PTPRT: variants seen among roughly 807,000 people sequenced by gnomAD.
PTPRT encodes the protein receptor-type tyrosine-protein phosphatase T.
PTPRT carries 56 observed loss-of-function variants against 176.8 expected under a neutral mutation model. The ratio of observed to expected loss-of-function variants is 0.32; its 90% confidence interval spans 0.26 to 0.40. The LOEUF (loss-of-function observed/expected upper bound fraction) is 0.40. Among genes scored for constraint, PTPRT ranks in the 10% least tolerant of loss-of-function variants. The pLI, the probability that PTPRT is intolerant of heterozygous loss-of-function variation, is 1.00. For missense variants in PTPRT, 1,540 were observed against 1,908.2 expected (o/e 0.81, Z 3.60); for synonymous variants, 783 against 739.0 (o/e 1.06, Z -0.96).
At chr20:42,148,260 ATTTTTTT>A (rs34255255) in intron 17 of PTPRT, among the ~76,000 whole-genome samples, 9 of 114,062 alleles carry the variant, frequency 7.9e-5, no homozygotes, top group Non-Finnish European at 1.1e-4. Context: ...CAAGGCAGTC[ATTTTTTT>A]TTTTTTTTTT....
the PTPRT span, among the ~76,000 whole-genome samples, chr20:42,055,610 C>A: frequency 6.6e-6 from 1 of 152,034 alleles, no homozygotes; most frequent in Non-Finnish European, 1.5e-5. Flanking sequence ...GTGGAGGGGT[C>A]CTGTGCAGCC....
At chr20:42,143,062 C>T (rs886916754) in intron 17 of PTPRT, among the ~76,000 whole-genome samples, 1 of 152,038 alleles carries the variant, frequency 6.6e-6, no homozygotes, top group African/African-American at 2.4e-5. Context: ...GTATCTAGAG[C>T]GGATGGGGGA....
At chr20:42,821,792 G>T (rs1454062908) in intron 2 of PTPRT, among the ~76,000 whole-genome samples, 2 of 152,234 alleles carry the variant, frequency 1.3e-5, no homozygotes, top group East Asian at 3.9e-4. Context: ...GCCAAATCAT[G>T]AATGAACTCC....
intron 1 of PTPRT, among the ~76,000 whole-genome samples, chr20:43,036,815 A>G (rs1432131418): frequency 2.0e-5 from 3 of 152,242 alleles, no homozygotes; most frequent in Non-Finnish European, 4.4e-5. Context: ...ACAAAAATAC[A>G]TACCTGACTT....
At chr20:42,448,846 T>A (rs1026014821) in intron 8 of PTPRT, among the ~76,000 whole-genome samples, 2 of 142,008 alleles carry the variant, frequency 1.4e-5, no homozygotes, top group Non-Finnish European at 3.0e-5. Context: ...ACACGAACGA[T>A]AGTTCATGAG....
At chr20:42,635,096 A>T (rs1286974744) in intron 7 of PTPRT, among the ~76,000 whole-genome samples, 1 of 152,080 alleles carries the variant, frequency 6.6e-6, no homozygotes, top group Non-Finnish European at 1.5e-5. Flanking sequence ...CACTAGATGG[A>T]GAAATACTGA....
At chr20:43,129,422 C>T (rs369867363) in intron 1 of PTPRT, among the ~76,000 whole-genome samples, 6 of 152,112 alleles carry the variant, frequency 3.9e-5, no homozygotes, top group African/African-American at 2.4e-5. Context: ...CCAGTTTGTG[C>T]ACATCGCGTG....
chr20:42,976,552 CCCA>C (rs1568712716), intron 1 of PTPRT, among the ~76,000 whole-genome samples: 1 of 152,008 alleles, frequency 6.6e-6, no homozygotes, highest in African/African-American at 2.4e-5. Flanking sequence ...ATTATAGGCA[CCCA>C]CCACCACACC....
At chr20:43,140,358 A>G (rs1190103658) in intron 1 of PTPRT, among the ~76,000 whole-genome samples, 1 of 152,146 alleles carries the variant, frequency 6.6e-6, no homozygotes, top group Admixed American at 6.5e-5. Flanking sequence ...TTTCCTGCAC[A>G]TGAACACACA....
At chr20:42,767,564 T>C (rs934928487) in intron 5 of PTPRT, among the ~76,000 whole-genome samples, 4 of 151,456 alleles carry the variant, frequency 2.6e-5, no homozygotes, top group Non-Finnish European at 5.9e-5. Flanking sequence ...ACATATTATA[T>C]ATGGAAGGAA....
chr20:42,908,526 T>A (rs1026232693), intron 1 of PTPRT, among the ~76,000 whole-genome samples: 3 of 152,298 alleles, frequency 2.0e-5, no homozygotes, highest in African/African-American at 4.8e-5. Flanking sequence ...TCTGGGATGA[T>A]CTCTTTATGA....
rs144138462 is a variant in PTPRT at position 42,858,439 on chromosome 20, A to G, written c.214+27368T>C. Among the ~76,000 whole-genome samples the G allele has an allele frequency of 4.9e-3, 748 of 152,270 alleles. 9 individuals carry two copies. The highest frequency in any genetic ancestry group is 0.017 in the African/African-American group (724 of 41,564). On this transcript the variant is annotated intron_variant, in intron 2 of 30. Transcript: ENST00000373187. ...AGTGCTATCATCCGAATGTTTGTGG[A>G]GGCCAAAACTCGTATGTTGAAACGC... is the stretch of plus-strand genomic sequence containing the variant.
intron 27 of PTPRT, 48 bp from the exon 28 acceptor site, chr20:42,085,901 G>T (rs747007413): frequency 7.9e-6 from 12 of 1,526,572 alleles, no homozygotes; most frequent in Non-Finnish European, 9.8e-6. Flanking sequence ...GCAGGGGGCG[G>T]GTATCAAAGT....
rs2146333254 is a variant in PTPRT, at chr20:43,106,155, T to C, written c.88+83491A>G. ...AGCATGAACCAGAGGTCAAAGGGTCTCTCCTCTGGACCCAGACAGCTACCT... is the reference window on the plus strand; with the variant it reads ...AGCATGAACCAGAGGTCAAAGGGTCCCTCCTCTGGACCCAGACAGCTACCT... On this transcript the variant is annotated intron_variant, in intron 1 of 30. Transcript: ENST00000373187. 3.3e-5 allele frequency among the ~76,000 whole-genome samples: 5 copies of C among 152,168 alleles called. 1 individual carries two copies. In the South Asian group the frequency reaches 1.0e-3, roughly 32 times the overall value.
chr20:42,932,389 G>T (rs1189990984), intron 1 of PTPRT, among the ~76,000 whole-genome samples: 16 of 152,236 alleles, frequency 1.1e-4, no homozygotes, highest in African/African-American at 3.4e-4. Flanking sequence ...GCCTTTAAAA[G>T]GTGGCCGGTG....
rs1395999325 is a variant in PTPRT, at chr20:42,618,443, G to C, written c.1153+59423C>G. On this transcript the variant is annotated intron_variant, in intron 7 of 30. Coordinates refer to ENST00000373187, the MANE Select transcript of PTPRT (RefSeq NM_007050.6). Reference sequence around the variant, plus strand: ...TTGATTTGGGGTGGAGAGTTCTGTAGATGTCTATTAGGTCCGCTTGGTGCA... The same window carrying C: ...TTGATTTGGGGTGGAGAGTTCTGTACATGTCTATTAGGTCCGCTTGGTGCA... 9.6e-5 allele frequency among the ~76,000 whole-genome samples: 13 copies of C among 135,876 alleles called. 3 individuals carry two copies. The highest frequency in any genetic ancestry group is 4.3e-4 in the African/African-American group (13 of 30,388). 89.1% of individuals were successfully genotyped at this position (135,876 alleles called of 152,430 possible). A position where few individuals can be genotyped will look rare whatever the true frequency, so the allele number is the denominator to read the frequency against.
At chr20:42,848,464 C>A (rs2078414379) in intron 2 of PTPRT, among the ~76,000 whole-genome samples, 6 of 152,296 alleles carry the variant, frequency 3.9e-5, no homozygotes, top group Admixed American at 2.0e-4. Flanking sequence ...CCCTTTTCAC[C>A]ACATCCCCAC....
At chr20:42,595,020 C>A (rs1203747098) in intron 7 of PTPRT, among the ~76,000 whole-genome samples, 5 of 152,102 alleles carry the variant, frequency 3.3e-5, no homozygotes, top group Non-Finnish European at 7.4e-5. Context: ...TGTTTCAGGA[C>A]AAGTAATGTT....
At chr20:42,942,947 A>G (rs1185027373) in intron 1 of PTPRT, among the ~76,000 whole-genome samples, 1 of 152,242 alleles carries the variant, frequency 6.6e-6, no homozygotes, top group African/African-American at 2.4e-5. Flanking sequence ...CACTAATTGC[A>G]TATTAAACTC....
Sources: gnomAD v4.1 joint callset for allele counts (sites outside exome capture counted in the v4.1 genomes callset) on GRCh38, gnomAD v4.1.1 for gene constraint, MANE v1.5 for transcripts, NCBI Gene and HGNC (gene_info 2026-07-23, HGNC 2026-07-21) for gene names.